Variants in TENM3 observed in about 807,000 individuals in gnomAD.
The protein encoded by TENM3 is teneurin transmembrane protein 3.
Under a neutral mutation model 255.1 loss-of-function variants are expected in TENM3, and 63 were observed. The observed-to-expected ratio is 0.25, with a 90% CI of 0.20 to 0.30. The LOEUF (loss-of-function observed/expected upper bound fraction) is 0.30. Among genes scored for constraint, TENM3 ranks in the 10% least tolerant of loss-of-function variants. The pLI is 1.00. For missense variants in TENM3, 2,929 were observed against 3,461.1 expected, an observed-to-expected ratio of 0.85 and a Z score of 3.86; for synonymous variants, 1,306 against 1,322.3, an observed-to-expected ratio of 0.99 and a Z score of 0.27.
chr4:182,694,413 C>T (rs565308840), intron 12 of TENM3, among the ~76,000 whole-genome samples: 1 of 152,070 alleles, frequency 6.6e-6, no homozygotes, highest in East Asian at 1.9e-4. Context: ...CGCACCCAGC[C>T]GAGAGTTGTT....
the TENM3 span, among the ~76,000 whole-genome samples, chr4:181,610,073 A>C: frequency 6.6e-6 from 1 of 152,240 alleles, no homozygotes; most frequent in Non-Finnish European, 1.5e-5. Flanking sequence ...ATTTATTAGA[A>C]GGCTTGAGCA....
chr4:182,601,059 C>T lies in TENM3; in HGVS notation c.647C>T (p.Pro216Leu), dbSNP rs376405882. 8.7e-6 allele frequency: 14 copies of T among 1,613,674 alleles called. No homozygotes were observed. Among genetic ancestry groups the T allele is most frequent in the African/African-American group, 6.7e-5 (5 of 74,868 alleles). Residue 216 changes from proline (P) to leucine (L), a missense_variant, in exon 4 of 28, where the codon CCG becomes CTG. Physicochemically the swap from Pro to Leu is moderately conservative, Grantham distance 98. This residue lies in a region of TENM3 where 1,608 missense variants were observed against 1,884.4 expected (regional missense o/e 0.85). Transcript: ENST00000511685. ...NSLTNRRNQS[P>L]APPAALPAEL... ...CTGACCAATAGAAGGAACCAGAGTC[C>T]GGCCCCGCCGGCTGCTTTGCCCGCC...
chr4:181,794,005 A>T, the TENM3 span, among the ~76,000 whole-genome samples: 1 of 152,130 alleles, frequency 6.6e-6, no homozygotes, highest in Non-Finnish European at 1.5e-5. Context: ...CAACATCCAA[A>T]AACATTTTGA....
chr4:181,875,900 C>T, the TENM3 span, among the ~76,000 whole-genome samples: 1 of 151,986 alleles, frequency 6.6e-6, no homozygotes, highest in Non-Finnish European at 1.5e-5. Flanking sequence ...AAAAAATATG[C>T]AGAGAAATCT....
chr4:182,684,292 A>T (rs549447057), intron 11 of TENM3, among the ~76,000 whole-genome samples: 64 of 151,786 alleles, frequency 4.2e-4, no homozygotes, highest in African/African-American at 1.5e-3. Context: ...TAGATTAAAC[A>T]TAAGTCTTGG....
At chr4:182,443,079 A>G (rs994378912) in intron 3 of TENM3, among the ~76,000 whole-genome samples, 1 of 152,144 alleles carries the variant, frequency 6.6e-6, no homozygotes, top group African/African-American at 2.4e-5. Flanking sequence ...TTGGAAACAG[A>G]TGGTCCAGAT....
chr4:181,851,302 G>A, the TENM3 span, among the ~76,000 whole-genome samples: 1 of 152,110 alleles, frequency 6.6e-6, no homozygotes, highest in Admixed American at 6.5e-5. Flanking sequence ...CACTCTCAAA[G>A]TTCAACCCAT....
At chr4:182,072,341 C>A in the TENM3 span, among the ~76,000 whole-genome samples, 8 of 152,112 alleles carry the variant, frequency 5.3e-5, no homozygotes, top group African/African-American at 1.9e-4. Context: ...AGGGTGGACA[C>A]CGGCAGTCAG....
chr4:181,528,838 A>G, the TENM3 span, among the ~76,000 whole-genome samples: 4 of 152,298 alleles, frequency 2.6e-5, no homozygotes, highest in East Asian at 7.7e-4. Context: ...AAGGAAGAAA[A>G]AGGCAGAAAT....
the TENM3 span, among the ~76,000 whole-genome samples, chr4:181,523,370 T>C: frequency 3.3e-5 from 5 of 152,032 alleles, no homozygotes; most frequent in Non-Finnish European, 7.4e-5. Flanking sequence ...TACTTGAGTC[T>C]ATTTCATGCA....
At chr4:182,250,997 G>A (rs113608945) in intron 1 of TENM3, among the ~76,000 whole-genome samples, 25 of 152,314 alleles carry the variant, frequency 1.6e-4, no homozygotes, top group African/African-American at 5.8e-4. Flanking sequence ...TCTAAACAGT[G>A]AGAGATTTGC....
the TENM3 span, among the ~76,000 whole-genome samples, chr4:181,756,654 G>A: frequency 0.4 from 61,401 of 152,028 alleles, 12,538 homozygotes; most frequent in African/African-American, 0.47. Flanking sequence ...TTTGCTGTGA[G>A]CAGTGCAACT....
rs111416065 is a variant in TENM3 at position 182,463,248 on chromosome 4, TAAAAG to T, written c.511+116324_511+116328del. On this transcript the variant is annotated intron_variant, in intron 3 of 27. Transcript: ENST00000511685. ...CTAAATTATTTATCATTTTGCAACT[TAAAAG>T]AAAAAAAAAACTCGGTGTTACTCTG... Among the ~76,000 whole-genome samples the T allele has an allele frequency of 2.1e-3, 324 of 151,758 alleles. 2 individuals carry two copies. The highest frequency in any genetic ancestry group is 7.4e-3 in the African/African-American group (306 of 41,418).
At chr4:181,641,605 G>A in the TENM3 span, among the ~76,000 whole-genome samples, 43 of 62,838 alleles carry the variant, frequency 6.8e-4, no homozygotes, top group African/African-American at 8.2e-4. Flanking sequence ...GTGTGTGTGT[G>A]TATATATATA....
the TENM3 span, among the ~76,000 whole-genome samples, chr4:181,557,919 G>A: frequency 6.6e-6 from 1 of 152,198 alleles, no homozygotes; most frequent in African/African-American, 2.4e-5. Context: ...GACGTTGTAG[G>A]AGAGTGAAGG....
At chr4:182,003,910 T>C in the TENM3 span, among the ~76,000 whole-genome samples, 1 of 152,016 alleles carries the variant, frequency 6.6e-6, no homozygotes, top group Admixed American at 6.6e-5. Flanking sequence ...AATTCATTCA[T>C]GAATGCTAAA....
At chr4:181,669,164 C>A in the TENM3 span, among the ~76,000 whole-genome samples, 3 of 152,140 alleles carry the variant, frequency 2.0e-5, no homozygotes, top group Admixed American at 6.6e-5. Context: ...CCTCAACTTG[C>A]CAAGAATATT....
the TENM3 span, among the ~76,000 whole-genome samples, chr4:182,138,605 G>A: frequency 2.6e-5 from 4 of 152,132 alleles, no homozygotes; most frequent in African/African-American, 4.8e-5. Flanking sequence ...GTCATCTTAG[G>A]CTCTACACTT....
At chr4:182,333,363 A>G (rs936187156) in intron 2 of TENM3, among the ~76,000 whole-genome samples, 2 of 152,234 alleles carry the variant, frequency 1.3e-5, no homozygotes, top group African/African-American at 4.8e-5. Flanking sequence ...TATAAAAAGA[A>G]TAATATGCTA....
Sources: allele counts gnomAD v4.1 joint callset (sites outside exome capture counted in the v4.1 genomes callset), GRCh38; gene constraint gnomAD v4.1.1; regional missense constraint gnomAD v4.1.1; transcripts MANE v1.5; gene names NCBI Gene and HGNC (gene_info 2026-07-23, HGNC 2026-07-21).